The following CAB39L variants were observed in gnomAD, a reference collection of about 807,000 sequenced individuals.
CAB39L encodes calcium-binding protein 39-like.
In CAB39L, 23 loss-of-function variants were observed where a neutral mutation model predicts 39.1. That is an observed-to-expected ratio of 0.59 (90% CI 0.42 to 0.83). CAB39L has a LOEUF of 0.83. Among genes scored for constraint, CAB39L ranks in the 40% least tolerant of loss-of-function variants. CAB39L has a pLI of 0.00. For missense variants in CAB39L, 366 were observed against 391.9 expected (o/e 0.93, Z 0.56); for synonymous variants, 126 against 137.2 (o/e 0.92, Z 0.57).
rs1269964962 is a variant in CAB39L at position 49,378,280 on chromosome 13, C to T, written c.112-1149G>A. Among the ~76,000 whole-genome samples, 3 of 87,688 alleles carry T rather than the reference C, an allele frequency of 3.4e-5. 1 individual carries two copies. Among genetic ancestry groups the T allele is most frequent in the Admixed American group, 1.9e-4 (2 of 10,786 alleles). The allele number at this position is 87,688 out of a possible 152,430, so 57.5% of individuals were successfully genotyped here. A position where few individuals can be genotyped will look rare whatever the true frequency, so the allele number is the denominator to read the frequency against. ...GGGAGGTGGGGGGGGGTCAACCCCC[C>T]GCCCGGCCAGCCGCCCCATCTGGGA... is the stretch of plus-strand genomic sequence containing the variant. On this transcript the variant is annotated intron_variant, in intron 4 of 10. Transcript: ENST00000409308.
At chr13:49,319,727 T>C (rs1954291947) in intron 10 of CAB39L, among the ~76,000 whole-genome samples, 2 of 151,944 alleles carry the variant, frequency 1.3e-5, no homozygotes, top group African/African-American at 2.4e-5. Flanking sequence ...GTGGCTGCTC[T>C]GGTTACCATT....
rs148747516 is a variant in CAB39L at position 49,411,795 on chromosome 13, C to T, written c.-32+21523G>A. ...TCTGGGATAAGCTGGAGACCCATTCCTTATCTATGAGGAACATTCGAGCCC... is the reference window on the plus strand; with the variant it reads ...TCTGGGATAAGCTGGAGACCCATTCTTTATCTATGAGGAACATTCGAGCCC... On this transcript the variant is annotated intron_variant, in intron 3 of 10. Transcript: ENST00000409308. Among the ~76,000 whole-genome samples the T allele has an allele frequency of 1.6e-3, 248 of 152,170 alleles. 2 individuals are homozygous for T. Among genetic ancestry groups the T allele is most frequent in the African/African-American group, 5.6e-3 (233 of 41,500 alleles).
chr13:49,418,366 A>G (rs1022607742), intron 3 of CAB39L, among the ~76,000 whole-genome samples: 1 of 152,160 alleles, frequency 6.6e-6, no homozygotes, highest in African/African-American at 2.4e-5. Flanking sequence ...AGTTGTCTAG[A>G]GTTAGGAGGG....
intron 1 of CAB39L, among the ~76,000 whole-genome samples, chr13:49,437,501 T>C (rs1343720542): frequency 1.3e-5 from 2 of 152,176 alleles, no homozygotes; most frequent in Non-Finnish European, 2.9e-5. Flanking sequence ...TAATGGATCT[T>C]ACACCTCTTC....
At chr13:49,354,364 A>G (rs1164931517) in intron 6 of CAB39L, among the ~76,000 whole-genome samples, 2 of 152,244 alleles carry the variant, frequency 1.3e-5, no homozygotes, top group African/African-American at 4.8e-5. Context: ...TATAATTCAC[A>G]TAGATCATTT....
intron 8 of CAB39L, among the ~76,000 whole-genome samples, chr13:49,341,284 C>T (rs1954997299): frequency 6.6e-6 from 1 of 151,454 alleles, no homozygotes. Flanking sequence ...GACCAAGTCT[C>T]GCTCTGATGC....
Position 49,379,713 on chromosome 13 carries a change from A to AC in CAB39L, c.112-2583_112-2582insG, listed in dbSNP as rs1956211441. Reference sequence around the variant, plus strand: ...TCAATAAAAAAATAAATTTAAAAAAAAAAAAAAACAAAAAAACAAAAACAG... The same window carrying AC: ...TCAATAAAAAAATAAATTTAAAAAAACAAAAAAAACAAAAAAACAAAAACAG... On this transcript the variant is annotated intron_variant, in intron 4 of 10. Transcript: ENST00000409308. Among the ~76,000 whole-genome samples the AC allele has an allele frequency of 5.9e-5, 2 of 33,856 alleles. 1 individual carries two copies. Among genetic ancestry groups the AC allele is most frequent in the South Asian group, 1.7e-3 (2 of 1,174 alleles). 22.2% of individuals were successfully genotyped at this position (33,856 alleles called of 152,430 possible). A position where few individuals can be genotyped will look rare whatever the true frequency, so the allele number is the denominator to read the frequency against.
At chr13:49,431,536 A>C (rs934319841) in intron 3 of CAB39L, among the ~76,000 whole-genome samples, 2 of 151,898 alleles carry the variant, frequency 1.3e-5, no homozygotes, top group Non-Finnish European at 2.9e-5. Flanking sequence ...GTGAAACCCC[A>C]TTGCTACTAA....
rs191768952 is a variant in CAB39L at position 49,314,208 on chromosome 13, C to T, written c.835-3215G>A. Among the ~76,000 whole-genome samples the T allele has an allele frequency of 5.9e-5, 9 of 152,190 alleles. No individual in the cohort carries two copies. The East Asian group carries it at 1.2e-3, about 20-fold the overall frequency. ...GAGTAAGGGAACGTGGGAGCTAAGG[C>T]GGCGCCGGCTCTGGAACCTGGGTTC... On this transcript the variant is annotated intron_variant, in intron 10 of 10. Coordinates refer to ENST00000409308, the MANE Select transcript of CAB39L (RefSeq NM_001079670.3).
chr13:49,401,101 A>G (rs1448769361), intron 3 of CAB39L: 1 of 152,154 alleles, frequency 6.6e-6, no homozygotes, highest in Admixed American at 6.5e-5. Context: ...CCATTTCTAT[A>G]AACCAGTATA....
chr13:49,442,617 C>A (rs1255676553), intron 1 of CAB39L, among the ~76,000 whole-genome samples: 1 of 151,894 alleles, frequency 6.6e-6, no homozygotes, highest in Non-Finnish European at 1.5e-5. Context: ...CATGGTGAAA[C>A]CCCATCTCTA....
chr13:49,344,140 G>C lies in CAB39L; in HGVS notation c.624+39C>G, dbSNP rs370785991. The C allele has an allele frequency of 5.7e-6, 7 of 1,225,942 alleles. No individual in the cohort carries two copies. In the African/African-American group the frequency reaches 1.0e-4, roughly 18 times the overall value. 75.9% of individuals were successfully genotyped at this position (1,225,942 alleles called of 1,614,324 possible). ...CTCATAGATCTAAAAGGGAGGGAGAGAGAAAGTGGGAAAGTCTTTAAAAAT... is the reference window on the plus strand; with the variant it reads ...CTCATAGATCTAAAAGGGAGGGAGACAGAAAGTGGGAAAGTCTTTAAAAAT... On this transcript the variant is annotated intron_variant, in intron 8 of 10. Transcript: ENST00000409308.
At chr13:49,363,943 A>G (rs1955701435) in intron 5 of CAB39L, among the ~76,000 whole-genome samples, 1 of 152,138 alleles carries the variant, frequency 6.6e-6, no homozygotes, top group Non-Finnish European at 1.5e-5. Context: ...GAAGATACAC[A>G]TGGACTGAAA....
chr13:49,419,953 G>C (rs912809512), intron 3 of CAB39L, among the ~76,000 whole-genome samples: 2 of 152,118 alleles, frequency 1.3e-5, no homozygotes, highest in Non-Finnish European at 2.9e-5. Context: ...TCAATAAACA[G>C]TAAATAGGAT....
intron 5 of CAB39L, among the ~76,000 whole-genome samples, chr13:49,374,435 T>C (rs1956003828): frequency 6.6e-6 from 1 of 152,218 alleles, no homozygotes; most frequent in South Asian, 2.1e-4. Flanking sequence ...AGAAAGATAC[T>C]TCTTTTCTCC....
intron 6 of CAB39L, among the ~76,000 whole-genome samples, chr13:49,358,349 T>G (rs1955539877): frequency 6.6e-6 from 1 of 152,190 alleles, no homozygotes; most frequent in Non-Finnish European, 1.5e-5. Context: ...TAAAGTTTAT[T>G]AGGAAGATAA....
chr13:49,329,541 AAAAATATATATATATATAT>A (rs1268689485), intron 10 of CAB39L, among the ~76,000 whole-genome samples: 793 of 36,488 alleles, frequency 0.022, 34 homozygotes, highest in Non-Finnish European at 0.029. Flanking sequence ...AATTAAAAAA[AAAAATATATATATATATAT>A]ATATATATAT....
intron 3 of CAB39L, among the ~76,000 whole-genome samples, chr13:49,402,439 T>A (rs1174855650): frequency 6.6e-6 from 1 of 152,162 alleles, no homozygotes; most frequent in African/African-American, 2.4e-5. Context: ...GCTAGTCAGA[T>A]CCTGCTTTGG....
At chr13:49,441,120 T>C (rs1957509737) in intron 1 of CAB39L, among the ~76,000 whole-genome samples, 1 of 151,466 alleles carries the variant, frequency 6.6e-6, no homozygotes, top group Non-Finnish European at 1.5e-5. Flanking sequence ...ATTTAGATTG[T>C]CATTTTCATC....
Sources: allele counts gnomAD v4.1 joint callset (sites outside exome capture counted in the v4.1 genomes callset), GRCh38; gene constraint gnomAD v4.1.1; transcripts MANE v1.5; gene names NCBI Gene and HGNC (gene_info 2026-07-23, HGNC 2026-07-21).